SYNE2: variants seen among roughly 807,000 people sequenced by gnomAD.
SYNE2 encodes the protein nesprin-2.
Under a neutral mutation model 856.3 loss-of-function variants are expected in SYNE2, and 431 were observed. The ratio of observed to expected loss-of-function variants is 0.50; its 90% confidence interval spans 0.47 to 0.55. The LOEUF (loss-of-function observed/expected upper bound fraction) is 0.55, where lower values mean the gene tolerates loss of function less well. Ranked by LOEUF, SYNE2 falls within the 20% of genes least tolerant of loss-of-function variation. The pLI is 0.00. For synonymous variants in SYNE2, 2,923 were observed against 2,872.3 expected (o/e 1.02, Z -0.56); for missense variants, 8,129 against 8,023.2 (o/e 1.01, Z -0.50).
At chr14:64,091,148 T>A (rs1276931216) in intron 60 of SYNE2, 100 bp downstream of exon 60, 4 of 1,090,004 alleles carry the variant, frequency 3.7e-6, no homozygotes, top group Non-Finnish European at 5.5e-6. Flanking sequence ...TATCCTATTA[T>A]TGTAGGAGGT....
Position 64,031,377 on chromosome 14 carries a change from C to A in SYNE2, c.7221+20C>A. 6.2e-7 allele frequency: 1 copy of A among 1,604,138 alleles called. No homozygotes were observed. The highest frequency in any genetic ancestry group is 1.1e-5 in the South Asian group (1 of 90,860). On this transcript the variant is annotated intron_variant, in intron 45 of 115. Transcript: ENST00000555002. ...AACAAGGTAAGTGCTTGTGATTGCA[C>A]TTTCAAGACAGTGAGTCTGAGAATG...
In SYNE2 at chr14:63,895,182, GCAA is replaced by G. The variant is rs1160567861; in HGVS notation, c.-51-13914_-51-13912del. Among the ~76,000 whole-genome samples the G allele has an allele frequency of 2.0e-5, 3 of 149,756 alleles. No individual in the cohort carries two copies. The East Asian group carries it at 5.9e-4, about 29-fold the overall frequency. On this transcript the variant is annotated intron_variant, in intron 1 of 115. Coordinates refer to ENST00000555002, the MANE Select transcript of SYNE2 (RefSeq NM_182914.3). ...TGCAGTGGCATGATCTTGGCTCACT[GCAA>G]CCTCCGCCTCCTGGGTTCAAGTGAT...
chr14:63,865,670 C>T (rs1035403006), intron 1 of SYNE2, among the ~76,000 whole-genome samples: 1 of 149,768 alleles, frequency 6.7e-6, no homozygotes, highest in Admixed American at 6.7e-5. Flanking sequence ...CGAGATCACG[C>T]CACTGCACTC....
intron 57 of SYNE2, among the ~76,000 whole-genome samples, chr14:64,085,329 T>C (rs575264697): frequency 6.6e-6 from 1 of 152,304 alleles, no homozygotes; most frequent in Admixed American, 6.5e-5. Context: ...ATCTCATCAT[T>C]TCTGCCACAT....
At chr14:63,933,967 G>A (rs1360444402) in intron 2 of SYNE2, among the ~76,000 whole-genome samples, 1 of 152,206 alleles carries the variant, frequency 6.6e-6, no homozygotes, top group Non-Finnish European at 1.5e-5. Flanking sequence ...GGATAAAGCA[G>A]TATGAAAACG....
intron 1 of SYNE2, among the ~76,000 whole-genome samples, chr14:63,789,000 G>A (rs1887639523): frequency 6.6e-6 from 1 of 152,146 alleles, no homozygotes; most frequent in Non-Finnish European, 1.5e-5. Context: ...AAAATGTGGT[G>A]TATATATACA....
intron 1 of SYNE2, among the ~76,000 whole-genome samples, chr14:63,831,108 CT>C (rs1328479983): frequency 6.6e-6 from 1 of 152,066 alleles, no homozygotes; most frequent in African/African-American, 2.4e-5. Context: ...CCTAAAAGTG[CT>C]GGGGTTACAG....
chr14:64,198,097 G>A (rs909728188), intron 99 of SYNE2, among the ~76,000 whole-genome samples: 2 of 152,142 alleles, frequency 1.3e-5, no homozygotes, highest in African/African-American at 4.8e-5. Context: ...TTTAATTCAG[G>A]AAATCATGCT....
intron 30 of SYNE2, 62 bp from the exon 31 acceptor site, chr14:64,006,981 T>C (rs753884646): frequency 8.9e-6 from 12 of 1,347,920 alleles, no homozygotes; most frequent in South Asian, 1.2e-5. Context: ...AAGTTACCCA[T>C]ATTTGTGTTG....
chr14:64,127,916 A>G (rs1267571414), intron 73 of SYNE2, among the ~76,000 whole-genome samples: 3 of 152,196 alleles, frequency 2.0e-5, no homozygotes, highest in Non-Finnish European at 4.4e-5. Context: ...TCACATACAC[A>G]CATTCAAGAA....
At chr14:64,116,395 C>G (rs567694024) in intron 66 of SYNE2, among the ~76,000 whole-genome samples, 3 of 152,190 alleles carry the variant, frequency 2.0e-5, no homozygotes, top group Admixed American at 2.0e-4. Flanking sequence ...AACATATAAG[C>G]TGTTCATCTT....
intron 45 of SYNE2, among the ~76,000 whole-genome samples, chr14:64,043,627 G>A (rs2097165190): frequency 6.6e-6 from 1 of 152,194 alleles, no homozygotes; most frequent in Non-Finnish European, 1.5e-5. Context: ...CTCGGGCTGT[G>A]GCTTCAGAGT....
intron 60 of SYNE2, 93 bp downstream of exon 60, chr14:64,091,141 C>G: frequency 8.4e-7 from 1 of 1,187,768 alleles, no homozygotes; most frequent in Non-Finnish European, 1.2e-6. Context: ...TCATTATTAT[C>G]CTATTATTGT....
At chr14:64,220,942 A>G (rs942912213) in intron 111 of SYNE2, among the ~76,000 whole-genome samples, 4 of 152,102 alleles carry the variant, frequency 2.6e-5, no homozygotes, top group Non-Finnish European at 5.9e-5. Context: ...TGCCAGAGTG[A>G]TTAAGAGACC....
chr14:63,783,390 T>C (rs1250702567), intron 1 of SYNE2, among the ~76,000 whole-genome samples: 3 of 152,126 alleles, frequency 2.0e-5, no homozygotes, highest in Non-Finnish European at 4.4e-5. Flanking sequence ...TTCTTCTTTT[T>C]TTTCTGAGAC....
chr14:63,773,415 G>C (rs1385754934), intron 1 of SYNE2, among the ~76,000 whole-genome samples: 1 of 151,846 alleles, frequency 6.6e-6, no homozygotes, highest in African/African-American at 2.4e-5. Flanking sequence ...TGCCCAGGCT[G>C]GTCTCAAACT....
At chr14:64,146,569 A>G (rs1336463926) in intron 84 of SYNE2, among the ~76,000 whole-genome samples, 1 of 152,230 alleles carries the variant, frequency 6.6e-6, no homozygotes, top group African/African-American at 2.4e-5. Flanking sequence ...AAATTACTCT[A>G]AAGGTTTCAT....
intron 70 of SYNE2, among the ~76,000 whole-genome samples, chr14:64,124,066 G>T (rs1224657491): frequency 6.6e-6 from 1 of 152,076 alleles, no homozygotes; most frequent in Admixed American, 6.6e-5. Context: ...TTAGCTGGCC[G>T]TGGTGGTGGG....
At chr14:63,870,820 G>A (rs60305436) in intron 1 of SYNE2, among the ~76,000 whole-genome samples, 60,962 of 151,718 alleles carry the variant, frequency 0.4, 14,282 homozygotes, top group South Asian at 0.55. Flanking sequence ...GTATGCACAC[G>A]GAGTATTACT....
Sources: allele counts gnomAD v4.1 joint callset (sites outside exome capture counted in the v4.1 genomes callset), GRCh38; gene constraint gnomAD v4.1.1; transcripts MANE v1.5; gene names NCBI Gene and HGNC (gene_info 2026-07-23, HGNC 2026-07-21).